Variants in PDE4B observed in about 807,000 individuals in gnomAD.
PDE4B encodes the protein 3',5'-cyclic-AMP phosphodiesterase 4B.
In PDE4B, 20 loss-of-function variants were observed where a neutral mutation model predicts 82.2. The observed-to-expected ratio is 0.24, with a 90% CI of 0.17 to 0.35. The LOEUF (loss-of-function observed/expected upper bound fraction) is 0.35, where lower values mean the gene tolerates loss of function less well. Ranked by LOEUF, PDE4B falls within the 10% of genes least tolerant of loss-of-function variation. The probability of loss-of-function intolerance (pLI) is 1.00; values close to 1 mark genes in which losing one functional copy is unlikely to be tolerated. For synonymous variants in PDE4B, 320 were observed against 318.9 expected (o/e 1.00, Z -0.04); for missense variants, 655 against 907.2 (o/e 0.72, Z 3.57).
chr1:66,332,486 A>T, intron 7 of PDE4B, 22 bp from the exon 8 acceptor site: 2 of 1,614,140 alleles, frequency 1.2e-6, no homozygotes, highest in Non-Finnish European at 1.7e-6. Context: ...GCCTAACTAC[A>T]TGCCTGTGTG....
chr1:66,186,222 G>C (rs954669201), intron 3 of PDE4B, among the ~76,000 whole-genome samples: 4 of 152,278 alleles, frequency 2.6e-5, no homozygotes, highest in Non-Finnish European at 5.9e-5. Context: ...GCACCATGCT[G>C]TTTTGGTTAC....
intron 3 of PDE4B, among the ~76,000 whole-genome samples, chr1:66,026,935 A>C (rs1653470681): frequency 1.3e-5 from 2 of 152,248 alleles, no homozygotes; most frequent in Non-Finnish European, 2.9e-5. Flanking sequence ...TACATGGCTC[A>C]GTAAACTTAC....
intron 1 of PDE4B, among the ~76,000 whole-genome samples, chr1:65,876,501 T>TA (rs1355786950): frequency 1.3e-5 from 2 of 152,036 alleles, no homozygotes; most frequent in Non-Finnish European, 2.9e-5. Flanking sequence ...ATTAGAAACA[T>TA]AAAATGGAAA....
At chr1:65,910,971 T>C (rs896465166) in intron 1 of PDE4B, among the ~76,000 whole-genome samples, 3 of 152,188 alleles carry the variant, frequency 2.0e-5, no homozygotes, top group South Asian at 2.1e-4. Context: ...TTGACTTTTT[T>C]CCCTAAATAT....
At chr1:65,905,631 G>A (rs1647020585) in intron 1 of PDE4B, among the ~76,000 whole-genome samples, 1 of 152,132 alleles carries the variant, frequency 6.6e-6, no homozygotes, top group Admixed American at 6.6e-5. Flanking sequence ...TCACACTGGA[G>A]AATAGAGAGA....
chr1:66,061,277 G>C (rs1397730933), intron 3 of PDE4B, among the ~76,000 whole-genome samples: 1 of 149,396 alleles, frequency 6.7e-6, no homozygotes, highest in Non-Finnish European at 1.5e-5. Context: ...AAACTGATTG[G>C]CAATATAACA....
intron 7 of PDE4B, among the ~76,000 whole-genome samples, chr1:66,278,932 C>A (rs1461400494): frequency 6.6e-6 from 1 of 151,946 alleles, no homozygotes; most frequent in East Asian, 1.9e-4. Flanking sequence ...AATAAGGGTT[C>A]TTTGCATGCT....
At chr1:65,870,973 A>G (rs1646566188) in intron 1 of PDE4B, among the ~76,000 whole-genome samples, 1 of 152,204 alleles carries the variant, frequency 6.6e-6, no homozygotes, top group Non-Finnish European at 1.5e-5. Context: ...TAGAGGAAGA[A>G]TCGGTAAGAC....
chr1:65,968,902 C>G (rs766073245), intron 3 of PDE4B, among the ~76,000 whole-genome samples: 5 of 152,184 alleles, frequency 3.3e-5, no homozygotes, highest in South Asian at 2.1e-4. Flanking sequence ...TTTCTTAATG[C>G]AAAGCATCTT....
intron 1 of PDE4B, among the ~76,000 whole-genome samples, chr1:65,855,548 C>T (rs1646382685): frequency 6.6e-6 from 1 of 152,142 alleles, no homozygotes; most frequent in African/African-American, 2.4e-5. Flanking sequence ...AAATGTTTCC[C>T]ATTTCTGGGT....
intron 3 of PDE4B, among the ~76,000 whole-genome samples, chr1:66,238,660 A>G (rs1398641524): frequency 1.3e-5 from 2 of 151,916 alleles, no homozygotes; most frequent in Non-Finnish European, 2.9e-5. Flanking sequence ...GGGAAGTAAA[A>G]TCATGGATGA....
At chr1:66,034,226 T>G (rs962322993) in intron 3 of PDE4B, among the ~76,000 whole-genome samples, 1 of 152,190 alleles carries the variant, frequency 6.6e-6, no homozygotes, top group Non-Finnish European at 1.5e-5. Context: ...GATTTTGAAT[T>G]ATATATTTGA....
intron 3 of PDE4B, among the ~76,000 whole-genome samples, chr1:66,072,624 C>G (rs986918024): frequency 6.6e-6 from 1 of 152,090 alleles, no homozygotes; most frequent in Admixed American, 6.6e-5. Context: ...TGCAGCCTTT[C>G]AAAATGGTTC....
chr1:66,003,068 T>G (rs543667269), intron 3 of PDE4B, among the ~76,000 whole-genome samples: 1 of 152,252 alleles, frequency 6.6e-6, no homozygotes, highest in East Asian at 1.9e-4. Flanking sequence ...AACTAGTTTT[T>G]TTTTATTTTT....
chr1:66,065,825 G>A (rs1655816644), intron 3 of PDE4B, among the ~76,000 whole-genome samples: 1 of 151,822 alleles, frequency 6.6e-6, no homozygotes. Flanking sequence ...TTTAAGAGTA[G>A]ATATCAATGA....
intron 3 of PDE4B, among the ~76,000 whole-genome samples, chr1:66,197,665 A>G (rs550829377): frequency 6.6e-6 from 1 of 152,264 alleles, no homozygotes; most frequent in African/African-American, 2.4e-5. Context: ...CCCAATCTAC[A>G]TCTTGGAACT....
chr1:65,977,655 C>A (rs1423076174), intron 3 of PDE4B, among the ~76,000 whole-genome samples: 1 of 152,172 alleles, frequency 6.6e-6, no homozygotes, highest in Non-Finnish European at 1.5e-5. Flanking sequence ...ATGTATAGTT[C>A]TTGTTCTTTC....
intron 3 of PDE4B, among the ~76,000 whole-genome samples, chr1:66,205,154 G>T (rs530042920): frequency 3.9e-5 from 6 of 152,312 alleles, no homozygotes; most frequent in Middle Eastern, 3.4e-3. Context: ...TTTAGAAAGA[G>T]ACTCATGGGC....
chr1:65,856,391 T>G (rs1196481641), intron 1 of PDE4B, among the ~76,000 whole-genome samples: 1 of 152,120 alleles, frequency 6.6e-6, no homozygotes, highest in Non-Finnish European at 1.5e-5. Flanking sequence ...GTCCATGTGT[T>G]CTCATTGTTC....
Sources: gnomAD v4.1 joint callset for allele counts (sites outside exome capture counted in the v4.1 genomes callset) on GRCh38, gnomAD v4.1.1 for gene constraint, MANE v1.5 for transcripts, NCBI Gene and HGNC (gene_info 2026-07-23, HGNC 2026-07-21) for gene names.